LAMC1: variants seen among roughly 807,000 people sequenced by gnomAD.
The protein encoded by LAMC1 is laminin subunit gamma-1.
A neutral mutation model predicts 173.6 loss-of-function variants in LAMC1; 38 were observed. The ratio of observed to expected loss-of-function variants is 0.22; its 90% confidence interval spans 0.17 to 0.29. LAMC1 has a LOEUF of 0.29. Ranked by LOEUF, LAMC1 falls within the 10% of genes least tolerant of loss-of-function variation. The pLI, the probability that LAMC1 is intolerant of heterozygous loss-of-function variation, is 1.00. For missense variants in LAMC1, 1,824 were observed against 2,051.8 expected (o/e 0.89, Z 2.14); for synonymous variants, 746 against 749.1 (o/e 1.00, Z 0.07).
At chr1:183,042,886 C>T (rs1041397275) in intron 1 of LAMC1, among the ~76,000 whole-genome samples, 7 of 152,244 alleles carry the variant, frequency 4.6e-5, no homozygotes, top group Admixed American at 1.3e-4. Flanking sequence ...CTATCTGCCT[C>T]GGAGGAGCAC....
intron 4 of LAMC1, among the ~76,000 whole-genome samples, chr1:183,112,569 A>G (rs984157528): frequency 2.0e-5 from 3 of 152,118 alleles, no homozygotes; most frequent in Non-Finnish European, 2.9e-5. Context: ...TCAGGATGCT[A>G]GGGCTAGGGA....
chr1:183,114,338 T>C (rs1656255920), intron 4 of LAMC1, among the ~76,000 whole-genome samples, 193 bp from the exon 5 acceptor site: 1 of 152,240 alleles, frequency 6.6e-6, no homozygotes, highest in Non-Finnish European at 1.5e-5. Flanking sequence ...TCCAAAGTGC[T>C]GGGATTATAG....
At chr1:183,044,348 G>A (rs1445317318) in intron 1 of LAMC1, among the ~76,000 whole-genome samples, 1 of 152,008 alleles carries the variant, frequency 6.6e-6, no homozygotes, top group African/African-American at 2.4e-5. Flanking sequence ...AGTGCTTACT[G>A]TATCACTCAT....
intron 1 of LAMC1, among the ~76,000 whole-genome samples, chr1:183,056,853 A>T (rs1369237841): frequency 6.6e-6 from 1 of 152,232 alleles, no homozygotes; most frequent in Non-Finnish European, 1.5e-5. Context: ...CTTGTACTTC[A>T]TGGGACAGAG....
rs114220349 is a variant in LAMC1 at position 183,101,920 on chromosome 1, A to G, written c.419-1408A>G. Among the ~76,000 whole-genome samples the G allele has an allele frequency of 5.6e-3, 859 of 152,332 alleles. 8 individuals are homozygous for G. The highest frequency in any genetic ancestry group is 0.02 in the African/African-American group (819 of 41,572). ...TTGCTCATCCTGTCAGTTTTATTAT[A>G]GAGAACGCTCAGTTGAAGAATGTGG... On this transcript the variant is annotated intron_variant, in intron 1 of 27. Coordinates refer to ENST00000258341, the MANE Select transcript of LAMC1 (RefSeq NM_002293.4).
intron 1 of LAMC1, among the ~76,000 whole-genome samples, chr1:183,088,492 CTT>C (rs1452042349): frequency 4.6e-5 from 7 of 152,156 alleles, no homozygotes; most frequent in African/African-American, 1.7e-4. Context: ...TTTTATCAAA[CTT>C]GAGTTTCAAT....
intron 1 of LAMC1, among the ~76,000 whole-genome samples, chr1:183,062,545 G>A (rs1030822994): frequency 1.6e-4 from 24 of 152,152 alleles, no homozygotes; most frequent in Admixed American, 1.6e-3. Context: ...TCAGCTACTC[G>A]GGAGGCTGTG....
chr1:183,132,112 A>G (rs930139375), intron 20 of LAMC1, among the ~76,000 whole-genome samples: 1 of 152,232 alleles, frequency 6.6e-6, no homozygotes, highest in Admixed American at 6.5e-5. Context: ...CAGCCTGGCC[A>G]ACATGGCGAA....
chr1:183,074,710 A>G (rs1314591083), intron 1 of LAMC1, among the ~76,000 whole-genome samples: 2 of 152,212 alleles, frequency 1.3e-5, no homozygotes, highest in African/African-American at 4.8e-5. Flanking sequence ...AGAAAAAGTT[A>G]TCTTTTTCAT....
intron 1 of LAMC1, among the ~76,000 whole-genome samples, chr1:183,087,092 G>C (rs763126627): frequency 2.6e-5 from 4 of 152,072 alleles, no homozygotes; most frequent in Non-Finnish European, 5.9e-5. Context: ...TTAATTATTT[G>C]TATCTTATCT....
At chr1:183,101,753 A>G (rs1298693661) in intron 1 of LAMC1, among the ~76,000 whole-genome samples, 1 of 152,120 alleles carries the variant, frequency 6.6e-6, no homozygotes, top group African/African-American at 2.4e-5. Context: ...TCAGGTCTCA[A>G]AATGCCCCAT....
At chr1:183,102,098 GA>G (rs1181235280) in intron 1 of LAMC1, among the ~76,000 whole-genome samples, 2 of 152,190 alleles carry the variant, frequency 1.3e-5, no homozygotes, top group Non-Finnish European at 2.9e-5. Flanking sequence ...GGAGAGGAGA[GA>G]GGGGGACTCC....
At chr1:183,031,409 ATTC>A (rs1317146518) in intron 1 of LAMC1, among the ~76,000 whole-genome samples, 4 of 152,012 alleles carry the variant, frequency 2.6e-5, no homozygotes, top group Non-Finnish European at 5.9e-5. Context: ...GGTTCAAGCT[ATTC>A]TTCTGCCTCA....
chr1:183,115,773 G>A, intron 6 of LAMC1, 136 bp downstream of exon 6: 1 of 671,442 alleles, frequency 1.5e-6, no homozygotes, highest in Non-Finnish European at 2.6e-6. Flanking sequence ...AGGACTAGCT[G>A]TAATGGTGAG....
At chr1:183,109,357 T>C (rs992800647) in intron 3 of LAMC1, among the ~76,000 whole-genome samples, 1 of 152,166 alleles carries the variant, frequency 6.6e-6, no homozygotes, top group African/African-American at 2.4e-5. Context: ...ATTCCTGTTA[T>C]GATGCTGGAT....
chr1:183,091,458 CTACT>C (rs1305251178), intron 1 of LAMC1, among the ~76,000 whole-genome samples: 11 of 152,076 alleles, frequency 7.2e-5, no homozygotes, highest in Non-Finnish European at 1.5e-4. Flanking sequence ...GGATTCTAAG[CTACT>C]TAAAGTGTGT....
chr1:183,051,779 C>T (rs1252413463), intron 1 of LAMC1, among the ~76,000 whole-genome samples: 2 of 152,296 alleles, frequency 1.3e-5, no homozygotes, highest in East Asian at 3.9e-4. Context: ...TATCCCGAGG[C>T]TATGCATTTC....
In LAMC1 at chr1:183,113,153, A is replaced by T. The variant is rs897256394; in HGVS notation, c.1022-1378A>T. 8.5e-5 allele frequency among the ~76,000 whole-genome samples: 13 copies of T among 152,124 alleles called. 1 individual carries two copies. The highest frequency in any genetic ancestry group is 1.9e-4 in the African/African-American group (8 of 41,438). On this transcript the variant is annotated intron_variant, in intron 4 of 27. Transcript: ENST00000258341. ...GAGCAAGACCTTGTCTCTGCAAAAA[A>T]TTTTTTAAAAATTAGCTGAGTATAG...
intron 1 of LAMC1, among the ~76,000 whole-genome samples, chr1:183,072,883 CT>C (rs1234934071): frequency 6.6e-6 from 1 of 152,232 alleles, no homozygotes; most frequent in Admixed American, 6.5e-5. Flanking sequence ...TGATCTGTCA[CT>C]GTCTCCCATT....
Sources: allele counts gnomAD v4.1 joint callset (sites outside exome capture counted in the v4.1 genomes callset), GRCh38; gene constraint gnomAD v4.1.1; transcripts MANE v1.5; gene names NCBI Gene and HGNC (gene_info 2026-07-23, HGNC 2026-07-21).